KCNN2: variants seen among roughly 807,000 people sequenced by gnomAD.
The protein encoded by KCNN2 is potassium calcium-activated channel subfamily N member 2, also known as small conductance calcium-activated potassium channel protein 2.
KCNN2 carries 24 observed loss-of-function variants against 55.5 expected under a neutral mutation model. The observed-to-expected ratio is 0.43, with a 90% CI of 0.31 to 0.61. The LOEUF is 0.61. KCNN2 is among the 20% of genes least tolerant of loss of function. KCNN2 has a pLI of 0.08. For missense variants in KCNN2, 754 were observed against 853.6 expected (o/e 0.88, Z 1.45); for synonymous variants, 431 against 336.1 (o/e 1.28, Z -3.09).
At chr5:114,286,448 A>C (rs1448542037) in intron 2 of KCNN2, among the ~76,000 whole-genome samples, 1 of 152,166 alleles carries the variant, frequency 6.6e-6, no homozygotes, top group Non-Finnish European at 1.5e-5. Context: ...AACCAAGAAA[A>C]ATAATTCGAT....
chr5:114,406,486 T>C (rs1384243275), intron 3 of KCNN2, among the ~76,000 whole-genome samples: 1 of 152,092 alleles, frequency 6.6e-6, no homozygotes, highest in Non-Finnish European at 1.5e-5. Flanking sequence ...AAACTGCATT[T>C]GTAGCTGAAC....
At chr5:114,275,642 T>C (rs1755470904) in intron 2 of KCNN2, among the ~76,000 whole-genome samples, 1 of 152,214 alleles carries the variant, frequency 6.6e-6, no homozygotes, top group Admixed American at 6.5e-5. Context: ...TAGTATTCTC[T>C]GATGGTAGTT....
intron 2 of KCNN2, among the ~76,000 whole-genome samples, chr5:114,375,811 C>T (rs1757910592): frequency 6.6e-6 from 1 of 151,562 alleles, no homozygotes; most frequent in South Asian, 2.1e-4. Flanking sequence ...GAGAAATCTC[C>T]AATATGCTTA....
intron 2 of KCNN2, among the ~76,000 whole-genome samples, chr5:114,236,296 T>C (rs1229783820): frequency 6.6e-6 from 1 of 152,200 alleles, no homozygotes; most frequent in East Asian, 1.9e-4. Context: ...GTAGTTGGTG[T>C]ACTTATAGAA....
At chr5:114,118,985 AGAG>A (rs1205423123) in intron 1 of KCNN2, among the ~76,000 whole-genome samples, 6 of 152,178 alleles carry the variant, frequency 3.9e-5, no homozygotes, top group African/African-American at 1.4e-4. Flanking sequence ...TTCATATAGA[AGAG>A]GAGGAGGATA....
chr5:114,191,974 A>T (rs115763972), intron 1 of KCNN2, among the ~76,000 whole-genome samples: 4,531 of 152,232 alleles, frequency 0.03, 231 homozygotes, highest in African/African-American at 0.1. Flanking sequence ...AACTAAGTTC[A>T]CAGAGACTAA....
At chr5:114,410,033 G>A (rs1482509578) in intron 3 of KCNN2, among the ~76,000 whole-genome samples, 1 of 152,166 alleles carries the variant, frequency 6.6e-6, no homozygotes, top group East Asian at 1.9e-4. Flanking sequence ...GTTAAGGTAG[G>A]CATCAGTTCT....
chr5:114,184,833 C>G (rs1468116415), intron 1 of KCNN2, among the ~76,000 whole-genome samples: 1 of 152,192 alleles, frequency 6.6e-6, no homozygotes, highest in Non-Finnish European at 1.5e-5. Flanking sequence ...TAATACAACT[C>G]CTTTTGGACT....
intron 1 of KCNN2, among the ~76,000 whole-genome samples, chr5:114,143,867 T>A (rs1278153054): frequency 1.3e-5 from 2 of 152,226 alleles, no homozygotes. Flanking sequence ...ACCGTAGCAA[T>A]CATAGCTTGG....
intron 1 of KCNN2, among the ~76,000 whole-genome samples, chr5:114,197,558 A>G (rs1402887850): frequency 2.0e-5 from 3 of 152,210 alleles, no homozygotes; most frequent in Non-Finnish European, 4.4e-5. Flanking sequence ...GGGCCCCAGT[A>G]TTCTCAGCTT....
chr5:114,130,686 C>T (rs943046066), intron 1 of KCNN2, among the ~76,000 whole-genome samples: 2 of 152,172 alleles, frequency 1.3e-5, no homozygotes, highest in African/African-American at 2.4e-5. Flanking sequence ...CATCGCTACT[C>T]ACTACATAAG....
At chr5:114,378,209 C>T (rs337697) in intron 2 of KCNN2, among the ~76,000 whole-genome samples, 15,428 of 152,224 alleles carry the variant, frequency 0.1, 1,088 homozygotes, top group African/African-American at 0.2. Flanking sequence ...CAGCCACGCC[C>T]ACTTGTTCAG....
At chr5:114,198,264 A>ATT (rs1202285591) in intron 1 of KCNN2, among the ~76,000 whole-genome samples, 5 of 149,846 alleles carry the variant, frequency 3.3e-5, no homozygotes, top group African/African-American at 5.0e-5. Context: ...GTAGTATTCC[A>ATT]TTATATATAT....
chr5:114,158,274 G>T (rs1404851580), intron 1 of KCNN2, among the ~76,000 whole-genome samples: 3 of 152,138 alleles, frequency 2.0e-5, no homozygotes, highest in Non-Finnish European at 4.4e-5. Context: ...CTTCCCCATT[G>T]CTTGTTTTTG....
intron 1 of KCNN2, among the ~76,000 whole-genome samples, chr5:114,118,393 T>A (rs761909180): frequency 1.2e-4 from 18 of 152,138 alleles, no homozygotes; most frequent in Non-Finnish European, 2.6e-4. Flanking sequence ...CGTCCTGCAA[T>A]CTACAGTCTG....
intron 1 of KCNN2, among the ~76,000 whole-genome samples, chr5:114,103,511 A>C (rs1751416759): frequency 6.6e-6 from 1 of 152,174 alleles, no homozygotes; most frequent in Admixed American, 6.5e-5. Flanking sequence ...GCCTGTTTTC[A>C]AAGGAATGCT....
chr5:114,170,284 T>A (rs914003297), intron 1 of KCNN2, among the ~76,000 whole-genome samples: 40 of 152,208 alleles, frequency 2.6e-4, no homozygotes, highest in African/African-American at 9.1e-4. Flanking sequence ...TACCTCACAA[T>A]ATATTTTACA....
At chr5:114,478,930 C>T (rs766156526) in intron 5 of KCNN2, among the ~76,000 whole-genome samples, 3 of 152,114 alleles carry the variant, frequency 2.0e-5, no homozygotes, top group Non-Finnish European at 4.4e-5. Context: ...GCCGTTACCA[C>T]CCACTACAAA....
chr5:114,095,845 C>T (rs1335520087), intron 1 of KCNN2, among the ~76,000 whole-genome samples: 1 of 108,966 alleles, frequency 9.2e-6, no homozygotes. Context: ...CATATATGCA[C>T]CTGCTGTATC....
Sources: gnomAD v4.1 joint callset for allele counts (sites outside exome capture counted in the v4.1 genomes callset) on GRCh38, gnomAD v4.1.1 for gene constraint, MANE v1.5 for transcripts, NCBI Gene and HGNC (gene_info 2026-07-23, HGNC 2026-07-21) for gene names.